PALM2AKAP2: variants seen among roughly 807,000 people sequenced by gnomAD.
The protein encoded by PALM2AKAP2 is PALM2 and AKAP2 fusion, also known as PALM2-AKAP2 fusion protein.
A neutral mutation model predicts 71.5 loss-of-function variants in PALM2AKAP2; 37 were observed. That is an observed-to-expected ratio of 0.52 (90% CI 0.40 to 0.68). The LOEUF is 0.68. Among genes scored for constraint, PALM2AKAP2 ranks in the 30% least tolerant of loss-of-function variants. The pLI is 0.00. For synonymous variants in PALM2AKAP2, 468 were observed against 478.8 expected, an observed-to-expected ratio of 0.98 and a Z score of 0.29; for missense variants, 1,224 against 1,191.8, an observed-to-expected ratio of 1.03 and a Z score of -0.40.
chr9:109,743,621 A>C (rs116213828), intron 1 of PALM2AKAP2, among the ~76,000 whole-genome samples: 6,492 of 152,334 alleles, frequency 0.043, 190 homozygotes, highest in Non-Finnish European at 0.053. Context: ...TGAAGACCCC[A>C]GGATGTCTAT....
intron 7 of PALM2AKAP2, chr9:110,024,866 T>C (rs1833147804): frequency 2.4e-6 from 2 of 841,642 alleles, no homozygotes; most frequent in Non-Finnish European, 4.1e-6. Context: ...TATTTATTTA[T>C]TTTTTAAACA....
upstream of PALM2AKAP2, among the ~76,000 whole-genome samples, chr9:110,044,974 GCTT>G (rs1005024596): frequency 3.3e-5 from 5 of 152,146 alleles, no homozygotes; most frequent in Non-Finnish European, 7.3e-5. Flanking sequence ...AGGGAGAAGA[GCTT>G]CTCTCAACCT....
chr9:109,924,996 T>G, intron 4 of PALM2AKAP2, 65 bp from the exon 5 acceptor site: 1 of 1,610,468 alleles, frequency 6.2e-7, no homozygotes, highest in Non-Finnish European at 8.5e-7. Flanking sequence ...TCTTTAAAGA[T>G]GGGAAAAGAT....
At position 109,853,087 on chromosome 9, in the gene PALM2AKAP2, C is replaced by T. The variant is rs1000728167; in HGVS notation, c.46-14404C>T. The stretch of plus-strand genomic sequence containing the variant: ...GAATTCTGGTCTTAACACTTCATAA[C>T]TGGGGGATCTAGGGGCAAGTTACCT... On this transcript the variant is annotated intron_variant, in intron 1 of 9. Coordinates refer to the PALM2AKAP2 transcript ENST00000302798. Among the ~76,000 whole-genome samples the T allele has an allele frequency of 2.6e-5, 4 of 152,132 alleles. No individual in the cohort carries two copies. In the South Asian group the frequency reaches 8.3e-4, roughly 32 times the overall value.
intron 1 of PALM2AKAP2, among the ~76,000 whole-genome samples, chr9:109,801,026 T>C (rs1301319141): frequency 6.6e-6 from 1 of 152,182 alleles, no homozygotes; most frequent in Non-Finnish European, 1.5e-5. Context: ...GTCTGGTTAA[T>C]TACAACTGGA....
At chr9:109,724,010 C>T (rs917505518) in intron 1 of PALM2AKAP2, among the ~76,000 whole-genome samples, 12 of 152,098 alleles carry the variant, frequency 7.9e-5, no homozygotes, top group African/African-American at 1.2e-4. Context: ...CTAGGTCATA[C>T]GTTCATTTCA....
chr9:110,032,034 T>C (rs1451490508), intron 7 of PALM2AKAP2, among the ~76,000 whole-genome samples: 1 of 130,456 alleles, frequency 7.7e-6, no homozygotes, highest in Non-Finnish European at 1.6e-5. Flanking sequence ...GCCTTCTCAG[T>C]AAATAAGCAA....
intron 7 of PALM2AKAP2, among the ~76,000 whole-genome samples, chr9:110,030,560 G>A (rs886843148): frequency 6.6e-6 from 1 of 152,024 alleles, no homozygotes; most frequent in African/African-American, 2.4e-5. Context: ...ATCATATTTG[G>A]GGATATAGGT....
intron 1 of PALM2AKAP2, among the ~76,000 whole-genome samples, chr9:109,642,183 C>G (rs942225942): frequency 3.9e-5 from 6 of 151,986 alleles, no homozygotes; most frequent in Non-Finnish European, 7.4e-5. Context: ...TGTTTAAGAG[C>G]TGGGCTCTAG....
intron 1 of PALM2AKAP2, among the ~76,000 whole-genome samples, chr9:109,683,809 A>G (rs1449900395): frequency 6.6e-6 from 1 of 152,116 alleles, no homozygotes; most frequent in Non-Finnish European, 1.5e-5. Context: ...TTTTTCAACT[A>G]TAAAATGGGG....
At chr9:110,144,162 C>T (rs1836104299) in intron 2 of PALM2AKAP2, among the ~76,000 whole-genome samples, 1 of 152,238 alleles carries the variant, frequency 6.6e-6, no homozygotes, top group African/African-American at 2.4e-5. Flanking sequence ...GAGGTGCCCT[C>T]ATTGCTCCAT....
intron 1 of PALM2AKAP2, among the ~76,000 whole-genome samples, chr9:109,797,360 C>CT (rs925573749): frequency 3.3e-5 from 5 of 152,206 alleles, no homozygotes; most frequent in African/African-American, 4.8e-5. Flanking sequence ...CCAACTTCAC[C>CT]TTTTTTATCA....
At chr9:109,817,068 G>C (rs772497965) in intron 1 of PALM2AKAP2, among the ~76,000 whole-genome samples, 5 of 152,046 alleles carry the variant, frequency 3.3e-5, no homozygotes, top group Non-Finnish European at 7.4e-5. Flanking sequence ...AGTATTTTAA[G>C]GAATAAATCT....
intron 5 of PALM2AKAP2, among the ~76,000 whole-genome samples, chr9:109,928,762 C>T (rs1299599700): frequency 6.6e-6 from 1 of 151,808 alleles, no homozygotes; most frequent in Non-Finnish European, 1.5e-5. Context: ...ACGTCCGCCT[C>T]CAGGGTTCAA....
At chr9:110,102,620 C>G (rs1835026436) in intron 1 of PALM2AKAP2, among the ~76,000 whole-genome samples, 1 of 152,040 alleles carries the variant, frequency 6.6e-6, no homozygotes. Context: ...CCTCCCCTCC[C>G]CATTGGGCAC....
intron 3 of PALM2AKAP2, among the ~76,000 whole-genome samples, chr9:109,901,469 C>T (rs1447233781): frequency 6.6e-6 from 1 of 152,170 alleles, no homozygotes; most frequent in African/African-American, 2.4e-5. Flanking sequence ...CAGGCATGGC[C>T]AGCCAAAGGG....
chr9:110,158,582 C>G (rs1330822500), intron 3 of PALM2AKAP2, among the ~76,000 whole-genome samples: 2 of 152,204 alleles, frequency 1.3e-5, no homozygotes, highest in Non-Finnish European at 2.9e-5. Flanking sequence ...AAATGCCAAC[C>G]AGGTTGAGTT....
chr9:110,130,828 A>G (rs1482374373), intron 1 of PALM2AKAP2, among the ~76,000 whole-genome samples: 1 of 152,218 alleles, frequency 6.6e-6, no homozygotes, highest in African/African-American at 2.4e-5. Flanking sequence ...TATCCCCTTT[A>G]TGAAAGGGTG....
At chr9:109,943,470 C>T (rs1831426268) in intron 6 of PALM2AKAP2, 2 of 1,551,680 alleles carry the variant, frequency 1.3e-6, no homozygotes, top group Admixed American at 1.9e-5. Flanking sequence ...GTACTCTCCA[C>T]CACTCACGTA....
Sources: gnomAD v4.1 joint callset for allele counts (sites outside exome capture counted in the v4.1 genomes callset) on GRCh38, gnomAD v4.1.1 for gene constraint, MANE v1.5 for transcripts, NCBI Gene and HGNC (gene_info 2026-07-23, HGNC 2026-07-21) for gene names.